Variants in MACC1 observed in about 807,000 individuals in gnomAD.
MACC1 encodes the protein metastasis-associated in colon cancer protein 1.
In MACC1, 79 loss-of-function variants were observed where a neutral mutation model predicts 70.7. The ratio of observed to expected loss-of-function variants is 1.12; its 90% CI spans 0.93 to 1.35. MACC1 has a LOEUF of 1.35. Ranked by LOEUF, MACC1 falls within the 40% of genes most tolerant of loss-of-function variation. The probability of loss-of-function intolerance (pLI) is 0.00; values close to 1 mark genes in which losing one functional copy is unlikely to be tolerated. For synonymous variants in MACC1, 361 were observed against 347.2 expected, an observed-to-expected ratio of 1.04 and a Z score of -0.44; for missense variants, 1,106 against 978.1, an observed-to-expected ratio of 1.13 and a Z score of -1.74.
chr7:20,206,543 A>C (rs1228781648), intron 1 of MACC1, among the ~76,000 whole-genome samples: 4 of 152,110 alleles, frequency 2.6e-5, no homozygotes, highest in Non-Finnish European at 5.9e-5. Flanking sequence ...ATGTTATTAC[A>C]TCAGAGAGCA....
At chr7:20,191,648 G>T (rs1205757410) in intron 1 of MACC1, among the ~76,000 whole-genome samples, 1 of 152,166 alleles carries the variant, frequency 6.6e-6, no homozygotes, top group African/African-American at 2.4e-5. Context: ...TGTTGTGGAA[G>T]GAGGCCCAGA....
At chr7:20,191,458 G>A (rs1218498029) in intron 1 of MACC1, among the ~76,000 whole-genome samples, 1 of 143,842 alleles carries the variant, frequency 7.0e-6, no homozygotes, top group East Asian at 2.7e-4. Context: ...GCCCTACGTA[G>A]CTGGCGTTGG....
At chr7:20,151,126 T>C (rs574467287) in intron 6 of MACC1, among the ~76,000 whole-genome samples, 1 of 151,502 alleles carries the variant, frequency 6.6e-6, no homozygotes, top group East Asian at 1.9e-4. Flanking sequence ...TTAAACAAGA[T>C]AAAAATGGCA....
chr7:20,156,763 T>G (rs1782060538), intron 5 of MACC1, among the ~76,000 whole-genome samples: 1 of 152,138 alleles, frequency 6.6e-6, no homozygotes, highest in Admixed American at 6.6e-5. Flanking sequence ...AGAGATAATG[T>G]TATATATATT....
At chr7:20,175,326 G>C (rs143876180) in intron 1 of MACC1, among the ~76,000 whole-genome samples, 10 of 152,074 alleles carry the variant, frequency 6.6e-5, no homozygotes, top group South Asian at 2.1e-4. Context: ...AAATAAATGT[G>C]TGTGAATATG....
chr7:20,197,693 T>C lies in MACC1; in HGVS notation c.-218+19606A>G, dbSNP rs74335808. Among the ~76,000 whole-genome samples, 1,097 of 152,266 alleles carry C rather than the reference T, an allele frequency of 7.2e-3. 29 individuals carry two copies. The highest frequency in any genetic ancestry group is 0.038 in the Admixed American group (574 of 15,290). On this transcript the variant is annotated intron_variant, in intron 1 of 6. Transcript: ENST00000400331. Reference sequence around the variant, plus strand: ...ATATACTTGCATGATGAACAAAGATTTCAGACAAACTCTGCATAGATCACG... The same window carrying C: ...ATATACTTGCATGATGAACAAAGATCTCAGACAAACTCTGCATAGATCACG...
intron 1 of MACC1, among the ~76,000 whole-genome samples, chr7:20,178,598 T>C (rs558399359): frequency 2.6e-5 from 4 of 152,180 alleles, no homozygotes; most frequent in Non-Finnish European, 5.9e-5. Flanking sequence ...CAGATTAACC[T>C]TTTTGTTTTT....
chr7:20,143,683 C>T (rs1781843146), intron 6 of MACC1, among the ~76,000 whole-genome samples: 2 of 152,144 alleles, frequency 1.3e-5, no homozygotes, highest in East Asian at 3.9e-4. Context: ...GCCACCACGC[C>T]CAGCCCTACA....
chr7:20,195,207 G>GTTT (rs2128107575), intron 1 of MACC1, among the ~76,000 whole-genome samples: 1 of 151,932 alleles, frequency 6.6e-6, no homozygotes, highest in African/African-American at 2.4e-5. Context: ...TTTCTTGTTT[G>GTTT]TTTGTTTAAT....
At position 20,173,101 on chromosome 7, in the gene MACC1, C is replaced by G. The variant is rs192330007; in HGVS notation, c.-217-2323G>C. On this transcript the variant is annotated intron_variant, in intron 1 of 6. Coordinates refer to ENST00000400331, the MANE Select transcript of MACC1 (RefSeq NM_182762.4). ...AGAGCTATTTTTAAAAATACAGATG[C>G]CCAGAAATCATCCCAAAAATCCGAG... is the stretch of plus-strand genomic sequence containing the variant. Among the ~76,000 whole-genome samples, 40 of 152,218 alleles carry G rather than the reference C, an allele frequency of 2.6e-4. 3 individuals are homozygous for G. The highest frequency in any genetic ancestry group is 8.7e-4 in the African/African-American group (36 of 41,532).
At chr7:20,171,740 C>A (rs1782311204) in intron 1 of MACC1, among the ~76,000 whole-genome samples, 1 of 152,104 alleles carries the variant, frequency 6.6e-6, no homozygotes, top group South Asian at 2.1e-4. Flanking sequence ...CACCACCACG[C>A]CTAGCTAATT....
rs983529190 is a variant in MACC1, at chr7:20,145,309, G to C, written c.2347-4151C>G. Among the ~76,000 whole-genome samples, 23 of 152,188 alleles carry C rather than the reference G, an allele frequency of 1.5e-4. No individual in the cohort carries two copies. The East Asian group carries it at 4.1e-3, about 27-fold the overall frequency. On this transcript the variant is annotated intron_variant, in intron 6 of 6. Coordinates refer to ENST00000400331, the MANE Select transcript of MACC1 (RefSeq NM_182762.4). ...AAATTAGCAGGACTTTGGTAACTTGGAGAAGGCAGTTTCAAGAGAATAGTC... is the reference window on the plus strand; with the variant it reads ...AAATTAGCAGGACTTTGGTAACTTGCAGAAGGCAGTTTCAAGAGAATAGTC...
chr7:20,146,953 T>C (rs1325850065), intron 6 of MACC1, among the ~76,000 whole-genome samples: 2 of 152,226 alleles, frequency 1.3e-5, no homozygotes, highest in East Asian at 1.9e-4. Context: ...AGCACAAAGT[T>C]GTTAATTTTC....
At chr7:20,150,787 C>T (rs950874356) in intron 6 of MACC1, among the ~76,000 whole-genome samples, 6 of 152,168 alleles carry the variant, frequency 3.9e-5, no homozygotes, top group Non-Finnish European at 8.8e-5. Context: ...TGGCTCACAC[C>T]TGTAATGCCA....
chr7:20,186,278 C>A (rs1371442729), intron 1 of MACC1, among the ~76,000 whole-genome samples: 1 of 152,038 alleles, frequency 6.6e-6, no homozygotes, highest in Non-Finnish European at 1.5e-5. Context: ...TTTTCTAATA[C>A]AAGTAATGTG....
chr7:20,177,995 T>C (rs1036324589), intron 1 of MACC1, among the ~76,000 whole-genome samples: 17 of 152,134 alleles, frequency 1.1e-4, no homozygotes, highest in Non-Finnish European at 2.1e-4. Context: ...GTGTTTACTT[T>C]TTTACTTTTA....
intron 1 of MACC1, among the ~76,000 whole-genome samples, chr7:20,203,203 A>G (rs1782857800): frequency 1.3e-5 from 2 of 152,092 alleles, no homozygotes; most frequent in African/African-American, 4.8e-5. Context: ...ATCAGCACCA[A>G]TCTCCTAGGG....
intron 2 of MACC1, among the ~76,000 whole-genome samples, chr7:20,168,038 A>C (rs1408922648): frequency 3.3e-5 from 5 of 152,212 alleles, no homozygotes; most frequent in African/African-American, 1.2e-4. Flanking sequence ...TTTTGGATGA[A>C]GAATGCTCAT....
At chr7:20,181,080 CTGTG>C (rs59476252) in intron 1 of MACC1, among the ~76,000 whole-genome samples, 193 of 149,098 alleles carry the variant, frequency 1.3e-3, no homozygotes, top group South Asian at 2.3e-3. Context: ...TGTATGTGCT[CTGTG>C]TGTGTGTGTG....
Sources: allele counts gnomAD v4.1 joint callset (sites outside exome capture counted in the v4.1 genomes callset), GRCh38; gene constraint gnomAD v4.1.1; transcripts MANE v1.5; gene names NCBI Gene and HGNC (gene_info 2026-07-23, HGNC 2026-07-21).